FHIP1A: variants seen among roughly 807,000 people sequenced by gnomAD.
FHIP1A encodes the protein FHF complex subunit HOOK interacting protein 1A, also known as FHF complex subunit HOOK-interacting protein 1A.
A neutral mutation model predicts 88.6 loss-of-function variants in FHIP1A; 61 were observed. The ratio of observed to expected loss-of-function variants is 0.69; its 90% confidence interval spans 0.56 to 0.85. The LOEUF (loss-of-function observed/expected upper bound fraction) is 0.85. FHIP1A is among the 40% of genes least tolerant of loss of function. The probability of loss-of-function intolerance (pLI) is 0.00; values close to 1 mark genes in which losing one functional copy is unlikely to be tolerated. For missense variants in FHIP1A, 1,154 were observed against 1,273.5 expected, an observed-to-expected ratio of 0.91 and a Z score of 1.43; for synonymous variants, 478 against 496.0, an observed-to-expected ratio of 0.96 and a Z score of 0.48.
intron 2 of FHIP1A, among the ~76,000 whole-genome samples, chr4:151,459,161 A>G (rs1729064031): frequency 1.3e-5 from 2 of 152,070 alleles, no homozygotes. Flanking sequence ...ACAGAGCCCT[A>G]AAGAGAATTT....
intron 3 of FHIP1A, among the ~76,000 whole-genome samples, chr4:151,558,805 A>G (rs1733059560): frequency 6.6e-6 from 1 of 152,208 alleles, no homozygotes; most frequent in Non-Finnish European, 1.5e-5. Context: ...ACTGATCTAG[A>G]CTGACAAAAA....
intron 3 of FHIP1A, among the ~76,000 whole-genome samples, chr4:151,493,032 T>C (rs1730340666): frequency 6.6e-6 from 1 of 151,562 alleles, no homozygotes; most frequent in Non-Finnish European, 1.5e-5. Context: ...AAAAGATAAA[T>C]GAAACAAAAC....
chr4:151,524,084 G>C (rs1731544293), intron 3 of FHIP1A, among the ~76,000 whole-genome samples: 1 of 152,120 alleles, frequency 6.6e-6, no homozygotes, highest in Non-Finnish European at 1.5e-5. Context: ...GACCGAGGCG[G>C]GCAGATCATG....
intron 1 of FHIP1A, among the ~76,000 whole-genome samples, chr4:151,446,232 G>A (rs1461919893): frequency 2.6e-5 from 4 of 152,100 alleles, no homozygotes; most frequent in Admixed American, 2.0e-4. Context: ...TTTTAAAATC[G>A]AGATGTGATT....
intron 6 of FHIP1A, among the ~76,000 whole-genome samples, chr4:151,587,613 C>T (rs1220808052): frequency 1.3e-5 from 2 of 151,202 alleles, no homozygotes; most frequent in Non-Finnish European, 1.5e-5. Flanking sequence ...GTGTGCTGCA[C>T]CCATTAACTT....
intron 3 of FHIP1A, among the ~76,000 whole-genome samples, chr4:151,543,458 C>A (rs747666305): frequency 3.3e-5 from 5 of 152,068 alleles, no homozygotes; most frequent in Admixed American, 6.6e-5. Context: ...TGAAAAAATT[C>A]TTTGATTATA....
intron 1 of FHIP1A, among the ~76,000 whole-genome samples, chr4:151,413,744 C>T (rs755967956): frequency 3.3e-5 from 5 of 152,046 alleles, no homozygotes; most frequent in East Asian, 1.9e-4. Flanking sequence ...CATGAGCCAC[C>T]GCGCCTGGCC....
In FHIP1A at chr4:151,669,448, T is replaced by C. The variant is rs1441578832; in HGVS notation, c.*6694T>C. Among the ~76,000 whole-genome samples, 1 of 152,212 alleles carries C rather than the reference T, an allele frequency of 6.6e-6. No homozygotes were observed. Among genetic ancestry groups the C allele is most frequent in the East Asian group, 1.9e-4 (1 of 5,194 alleles). The stretch of plus-strand genomic sequence containing the variant: ...TTTAATTTTAAATGGTCTGGAAAGA[T>C]CTTCGATGCTTTCTGTAAGGTTTAG... On this transcript the variant is annotated 3_prime_UTR_variant, in exon 14 of 14. Transcript: ENST00000435205.
At chr4:151,616,351 A>G (rs1735516708) in intron 7 of FHIP1A, among the ~76,000 whole-genome samples, 1 of 151,948 alleles carries the variant, frequency 6.6e-6, no homozygotes, top group African/African-American at 2.4e-5. Context: ...AACATTCCCA[A>G]TATTTAACCC....
chr4:151,636,191 A>G (rs77349721), intron 8 of FHIP1A, among the ~76,000 whole-genome samples: 2,139 of 152,122 alleles, frequency 0.014, 37 homozygotes, highest in African/African-American at 0.046. Context: ...AATTAATGTA[A>G]TACATCATAT....
intron 2 of FHIP1A, among the ~76,000 whole-genome samples, chr4:151,473,343 AGCTTTATTAATAGTTAAT>A (rs1729593147): frequency 6.6e-6 from 1 of 152,028 alleles, no homozygotes; most frequent in Non-Finnish European, 1.5e-5. Context: ...TTAAGACTCT[AGCTTTATTAATAGTTAAT>A]GCTCCTTCAT....
At chr4:151,570,437 C>G (rs1012167029) in intron 4 of FHIP1A, among the ~76,000 whole-genome samples, 13 of 151,802 alleles carry the variant, frequency 8.6e-5, no homozygotes, top group Middle Eastern at 3.4e-3. Context: ...CACCAACCAC[C>G]TTTTAATTTA....
intron 1 of FHIP1A, among the ~76,000 whole-genome samples, chr4:151,444,125 C>T (rs1335931485): frequency 6.6e-6 from 1 of 152,092 alleles, no homozygotes; most frequent in East Asian, 1.9e-4. Context: ...GCGCATACTC[C>T]TTACCCTGTG....
At chr4:151,462,896 T>C (rs757325849) in intron 2 of FHIP1A, among the ~76,000 whole-genome samples, 7 of 152,202 alleles carry the variant, frequency 4.6e-5, no homozygotes, top group Non-Finnish European at 1.0e-4. Flanking sequence ...GACTTAGTAT[T>C]GTATTTTATG....
At chr4:151,566,958 G>A (rs7695866) in intron 4 of FHIP1A, among the ~76,000 whole-genome samples, 48,476 of 152,036 alleles carry the variant, frequency 0.32, 7,759 homozygotes, top group Non-Finnish European at 0.33. Flanking sequence ...TCCAAAGCTC[G>A]TGTGTTTGAT....
chr4:151,430,813 A>G (rs1022744161), intron 1 of FHIP1A, among the ~76,000 whole-genome samples: 1 of 152,224 alleles, frequency 6.6e-6, no homozygotes, highest in Non-Finnish European at 1.5e-5. Context: ...TGCTTTCAGT[A>G]TAGTAGACGG....
intron 2 of FHIP1A, among the ~76,000 whole-genome samples, chr4:151,481,778 A>T (rs1409864374): frequency 1.3e-5 from 2 of 152,008 alleles, no homozygotes; most frequent in African/African-American, 4.8e-5. Context: ...TTTAGTATCT[A>T]TGTTGGCTTC....
chr4:151,568,273 A>G (rs1462570230), intron 4 of FHIP1A, among the ~76,000 whole-genome samples: 1 of 152,252 alleles, frequency 6.6e-6, no homozygotes, highest in Non-Finnish European at 1.5e-5. Flanking sequence ...CTTGAGTTGA[A>G]GGTAAGGATA....
rs780685999 is a variant in FHIP1A at position 151,577,814 on chromosome 4, C to G, written c.470C>G (p.Thr157Ser). Residue 157 changes from threonine to serine, a missense_variant, in exon 5 of 14, where the codon ACT (threonine) becomes AGT (serine). By Grantham distance (58) the Thr-to-Ser change is moderately conservative (BLOSUM62 1). Coordinates refer to ENST00000435205, the MANE Select transcript of FHIP1A (RefSeq NM_001109977.3). ...TCTTGTTCAGGAACAACCACCCCCA[C>G]TGTGGAGGAGAAGCTGGTTGTCCTA... Reference protein sequence around the residue: ...LSSCSGTTTPTVEEKLVVLLN... With the variant: ...LSSCSGTTTPSVEEKLVVLLN... 2.6e-6 allele frequency: 4 copies of G among 1,552,122 alleles called. No individual in the cohort carries two copies. Among genetic ancestry groups the G allele is most frequent in the South Asian group, 1.2e-5 (1 of 84,058 alleles).
Sources: allele counts gnomAD v4.1 joint callset (sites outside exome capture counted in the v4.1 genomes callset), GRCh38; gene constraint gnomAD v4.1.1; transcripts MANE v1.5; gene names NCBI Gene and HGNC (gene_info 2026-07-23, HGNC 2026-07-21).